ADAM12: variants seen among roughly 807,000 people sequenced by gnomAD.
The protein encoded by ADAM12 is ADAM metallopeptidase domain 12.
Under a neutral mutation model 106.4 loss-of-function variants are expected in ADAM12, and 70 were observed. The observed-to-expected ratio is 0.66, with a 90% confidence interval of 0.54 to 0.80. The LOEUF is 0.80. Among genes scored for constraint, ADAM12 ranks in the 30% least tolerant of loss-of-function variants. The pLI is 0.00. For synonymous variants in ADAM12, 420 were observed against 433.5 expected (o/e 0.97, Z 0.39); for missense variants, 1,010 against 1,171.9 (o/e 0.86, Z 2.02).
chr10:126,265,487 G>C (rs991265234), intron 3 of ADAM12, among the ~76,000 whole-genome samples: 8 of 152,112 alleles, frequency 5.3e-5, no homozygotes, highest in Admixed American at 4.6e-4. Context: ...CAAACTCAGT[G>C]GTCAACCTGT....
At chr10:126,058,086 C>T (rs1369728247) in intron 14 of ADAM12, among the ~76,000 whole-genome samples, 5 of 152,136 alleles carry the variant, frequency 3.3e-5, no homozygotes. Flanking sequence ...TCCAGGGCTC[C>T]CGTGTCCTTC....
chr10:126,180,910 G>A (rs543641700), intron 3 of ADAM12, among the ~76,000 whole-genome samples: 1 of 152,310 alleles, frequency 6.6e-6, no homozygotes, highest in East Asian at 1.9e-4. Context: ...CATTCTAGAG[G>A]AGGAAGAAGT....
At chr10:126,371,624 G>A (rs1005990646) in intron 1 of ADAM12, among the ~76,000 whole-genome samples, 6 of 152,168 alleles carry the variant, frequency 3.9e-5, no homozygotes, top group Admixed American at 6.5e-5. Flanking sequence ...AGTGCTTAAC[G>A]GGCTTTACTG....
At position 126,051,572 on chromosome 10, in the gene ADAM12, T is replaced by TCCAGCCAGCCAG. The variant is rs1191899617; in HGVS notation, c.1610-1904_1610-1903insCTGGCTGGCTGG. Among the ~76,000 whole-genome samples the TCCAGCCAGCCAG allele has an allele frequency of 2.8e-3, 237 of 85,510 alleles. 4 individuals carry two copies. The highest frequency in any genetic ancestry group is 0.026 in the East Asian group (43 of 1,632). The allele number at this position is 85,510 out of a possible 152,430, so 56.1% of individuals were successfully genotyped here. ...ATCCATCCATCCATCCATCCATCCA[T>TCCAGCCAGCCAG]CCATCCATCCATCCATCCAGCCAGC... On this transcript the variant is annotated intron_variant, in intron 14 of 22. Coordinates refer to ENST00000448723, the MANE Select transcript of ADAM12 (RefSeq NM_001288973.2).
At chr10:126,261,628 A>G (rs1959003056) in intron 3 of ADAM12, among the ~76,000 whole-genome samples, 1 of 152,166 alleles carries the variant, frequency 6.6e-6, no homozygotes, top group Non-Finnish European at 1.5e-5. Context: ...ACCCCAATAC[A>G]CTATCTGGAA....
At chr10:126,059,024 T>C (rs1352256195) in intron 14 of ADAM12, among the ~76,000 whole-genome samples, 1 of 152,244 alleles carries the variant, frequency 6.6e-6, no homozygotes, top group East Asian at 1.9e-4. Context: ...TATCAAAAGA[T>C]AAAATTTAGC....
rs186523804 is a variant in ADAM12, at chr10:126,052,921, G to A, written c.1610-3252C>T. On this transcript the variant is annotated intron_variant, in intron 14 of 22. Coordinates refer to ENST00000448723, the MANE Select transcript of ADAM12 (RefSeq NM_001288973.2). The stretch of plus-strand genomic sequence containing the variant: ...AGCCTTCTGGGTCAGAGTGTGACGT[G>A]GTTTGGATCTGTGTCCCCACCAAGT... Among the ~76,000 whole-genome samples, 27 of 152,256 alleles carry A rather than the reference G, an allele frequency of 1.8e-4. No homozygotes were observed. In the East Asian group the frequency reaches 5.0e-3, roughly 28 times the overall value.
chr10:126,325,070 G>A (rs1423067034), intron 2 of ADAM12, among the ~76,000 whole-genome samples: 2 of 152,044 alleles, frequency 1.3e-5, no homozygotes, highest in African/African-American at 4.8e-5. Context: ...GGGCCACAAA[G>A]AAACTCAGAG....
intron 3 of ADAM12, among the ~76,000 whole-genome samples, chr10:126,225,237 A>C (rs1474559915): frequency 6.6e-6 from 1 of 152,204 alleles, no homozygotes; most frequent in Non-Finnish European, 1.5e-5. Flanking sequence ...CTAAAGCACC[A>C]TGTATATGTT....
chr10:126,365,574 C>T (rs571221241), intron 1 of ADAM12, among the ~76,000 whole-genome samples: 20 of 152,156 alleles, frequency 1.3e-4, no homozygotes, highest in Non-Finnish European at 2.4e-4. Flanking sequence ...TAGCAAAGGG[C>T]AAAGGTGACG....
chr10:126,132,522 A>ACCC (rs1491546819), intron 5 of ADAM12, among the ~76,000 whole-genome samples: 7 of 54,716 alleles, frequency 1.3e-4, no homozygotes, highest in African/African-American at 9.0e-5. Flanking sequence ...TGCTGCATGA[A>ACCC]CACCCCCCCC....
intron 3 of ADAM12, among the ~76,000 whole-genome samples, chr10:126,255,649 C>CCACGGAGGGTCCCTCCTGAT (rs1958876074): frequency 1.3e-5 from 2 of 152,222 alleles, no homozygotes; most frequent in Non-Finnish European, 2.9e-5. Context: ...TTCCTCCTGC[C>CCACGGAGGGTCCCTCCTGAT]CACGGAGGGT....
chr10:126,266,602 G>A (rs564705265), intron 3 of ADAM12, among the ~76,000 whole-genome samples: 10 of 152,278 alleles, frequency 6.6e-5, no homozygotes, highest in South Asian at 4.1e-4. Flanking sequence ...GTCCGTTCTC[G>A]CACTGTTACA....
At chr10:126,182,163 T>C (rs11244870) in intron 3 of ADAM12, among the ~76,000 whole-genome samples, 34,516 of 152,130 alleles carry the variant, frequency 0.23, 4,543 homozygotes, top group East Asian at 0.45. Flanking sequence ...TGGTGGCTGG[T>C]GAGTTTCCTT....
chr10:126,250,655 T>C (rs1262447257), intron 3 of ADAM12, among the ~76,000 whole-genome samples: 2 of 152,224 alleles, frequency 1.3e-5, no homozygotes, highest in Admixed American at 6.5e-5. Context: ...CTTTACATTG[T>C]TAACCGAAAT....
intron 8 of ADAM12, among the ~76,000 whole-genome samples, chr10:126,106,281 A>C (rs1214680087): frequency 1.3e-5 from 2 of 152,084 alleles, no homozygotes; most frequent in African/African-American, 2.4e-5. Flanking sequence ...TGCCCATCTC[A>C]GCCTCCTCTG....
chr10:126,155,023 G>GGGCT (rs1445076401), intron 4 of ADAM12, among the ~76,000 whole-genome samples: 1 of 152,034 alleles, frequency 6.6e-6, no homozygotes, highest in African/African-American at 2.4e-5. Flanking sequence ...ATTCCCTCAG[G>GGGCT]GGCTGTCTGT....
intron 22 of ADAM12, among the ~76,000 whole-genome samples, chr10:126,018,678 ATC>A (rs1459391723): frequency 1.3e-5 from 2 of 152,178 alleles, no homozygotes; most frequent in Non-Finnish European, 2.9e-5. Flanking sequence ...GAAATTGGTT[ATC>A]TCTCACCAAC....
intron 7 of ADAM12, among the ~76,000 whole-genome samples, 191 bp from the exon 8 acceptor site, chr10:126,108,855 T>C (rs542185645): frequency 6.6e-6 from 1 of 152,300 alleles, no homozygotes; most frequent in African/African-American, 2.4e-5. Flanking sequence ...TCCCTGAAAT[T>C]TGCCTAAGCC....
Sources: allele counts gnomAD v4.1 joint callset (sites outside exome capture counted in the v4.1 genomes callset), GRCh38; gene constraint gnomAD v4.1.1; transcripts MANE v1.5; gene names NCBI Gene and HGNC (gene_info 2026-07-23, HGNC 2026-07-21).